The following TMEM240 variants were observed in gnomAD, a reference collection of about 807,000 sequenced individuals.
TMEM240 encodes the protein transmembrane protein C1orf70.
In TMEM240, 3 loss-of-function variants were observed where a neutral mutation model predicts 19.5. The observed-to-expected ratio is 0.15, with a 90% CI of 0.07 to 0.40. The LOEUF (loss-of-function observed/expected upper bound fraction) is 0.40. Ranked by LOEUF, TMEM240 falls within the 10% of genes least tolerant of loss-of-function variation. TMEM240 has a pLI of 1.00. For synonymous variants in TMEM240, 123 were observed against 109.3 expected (o/e 1.13, Z -0.78); for missense variants, 210 against 253.5 (o/e 0.83, Z 1.17).
rs775856256 is a variant in TMEM240 at position 1,535,456 on chromosome 1, C to T, written c.425G>A (p.Arg142Gln). 3.3e-5 allele frequency: 51 copies of T among 1,549,188 alleles called. No homozygotes were observed. Among genetic ancestry groups the T allele is most frequent in the South Asian group, 2.0e-4 (17 of 83,974 alleles). Residue 142 changes from arginine (R) to glutamine (Q), a missense_variant, in exon 4 of 4, where the codon CGG (arginine) becomes CAG (glutamine). Arg to Gln is a conservative substitution (Grantham distance 43). Transcript: ENST00000378733. The surrounding 1 kb of genome is among the most constrained non-coding windows in gnomAD (Gnocchi z 8.2). ...CTCCTCGAAGGGCCTGTGCGGCCGC[C>T]GGCCCAGCTCCCGCAGGCTGCACAG... ...PKLCSLRELGRRPHRPFEEAA... is the reference protein window; with the variant it reads ...PKLCSLRELGQRPHRPFEEAA...
At position 1,540,326 on chromosome 1, in the gene TMEM240, G is replaced by A. The variant is rs923985935; in HGVS notation, c.21C>T (p.Thr7=). The A allele has an allele frequency of 1.5e-5, 20 of 1,314,214 alleles. No homozygotes were observed. The highest frequency in any genetic ancestry group is 1.7e-5 in the Non-Finnish European group (17 of 1,022,220). The allele number at this position is 1,314,214 out of a possible 1,614,324, so 81.4% of individuals were successfully genotyped here. A position where few individuals can be genotyped will look rare whatever the true frequency, so the allele number is the denominator to read the frequency against. Reference sequence around the variant, plus strand: ...ACGCCCCCAGAATCATGAAGATCATGGTGTTCGCGCTCATGGACATCGGGC... The same window carrying A: ...ACGCCCCCAGAATCATGAAGATCATAGTGTTCGCGCTCATGGACATCGGGC... MSMSAN[T]MIFMILGASV... The change falls in exon 1 of 4, where the codon ACC becomes ACT. Residue 7 remains threonine, a synonymous_variant. Coordinates refer to ENST00000378733, the MANE Select transcript of TMEM240 (RefSeq NM_001114748.2).
rs1434766456 is a variant in TMEM240 at position 1,536,076 on chromosome 1, C to T, written c.165-279G>A. ...AGCTGCCGGCGAGGGTGTCGGCCCTCACTCAGCACCTCCTCCCTGAGGCCT... is the reference window on the plus strand; with the variant it reads ...AGCTGCCGGCGAGGGTGTCGGCCCTTACTCAGCACCTCCTCCCTGAGGCCT... On this transcript the variant is annotated intron_variant, in intron 2 of 3. Coordinates refer to ENST00000378733, the MANE Select transcript of TMEM240 (RefSeq NM_001114748.2). The surrounding 1 kb of genome is among the most constrained non-coding windows in gnomAD (Gnocchi z 5.4). Among the ~76,000 whole-genome samples, 2 of 152,084 alleles carry T rather than the reference C, an allele frequency of 1.3e-5. No homozygotes were observed. Among genetic ancestry groups the T allele is most frequent in the Non-Finnish European group, 2.9e-5 (2 of 67,964 alleles).
Position 1,536,225 on chromosome 1 carries a change from C to G in TMEM240, c.165-428G>C, listed in dbSNP as rs1180653484. Among the ~76,000 whole-genome samples the G allele has an allele frequency of 6.6e-6, 1 of 152,146 alleles. No homozygotes were observed. The highest frequency in any genetic ancestry group is 1.5e-5 in the Non-Finnish European group (1 of 67,994). On this transcript the variant is annotated intron_variant, in intron 2 of 3. Transcript: ENST00000378733. This position sits in a 1 kb window ranked among gnomAD's most constrained non-coding sequence, Gnocchi z 5.4. The stretch of plus-strand genomic sequence containing the variant: ...CCGGGGCCGCGGAGGCCACTTGGAG[C>G]AGAGCTGGACACAGGGAGCCCTGCT...
Position 1,540,365 on chromosome 1 carries a change from G to T in TMEM240, c.-19C>A. On this transcript the variant is annotated 5_prime_UTR_variant, in exon 1 of 4. Transcript: ENST00000378733. Reference sequence around the variant, plus strand: ...TGGACATCGGGCGGGGCCGGGCCGGGCCGGAGCGCCGCCCCCCGGCCCCGG... The same window carrying T: ...TGGACATCGGGCGGGGCCGGGCCGGTCCGGAGCGCCGCCCCCCGGCCCCGG... 1 of 1,167,446 alleles carries T rather than the reference G, an allele frequency of 8.6e-7. No homozygotes were observed. Among genetic ancestry groups the T allele is most frequent in the Non-Finnish European group, 1.1e-6 (1 of 939,590 alleles). The allele number at this position is 1,167,446 out of a possible 1,614,324, so 72.3% of individuals were successfully genotyped here. A position where few individuals can be genotyped will look rare whatever the true frequency, so the allele number is the denominator to read the frequency against.
rs1642204584 is a variant in TMEM240 at position 1,535,600 on chromosome 1, C to G, written c.362G>C (p.Gly121Ala). 3 of 1,549,266 alleles carry G rather than the reference C, an allele frequency of 1.9e-6. No individual in the cohort carries two copies. The stretch of plus-strand genomic sequence containing the variant: ...CACGAGGCACTCACCGTAGCGCCGT[C>G]CGGCTCTCCAGGCGCGCACGGCGCA... ...LHCAVRAWRA[G>A]RRYDGSWTWL... Residue 121 changes from glycine (G) to alanine (A), a missense_variant, in exon 3 of 4, where the codon GGA (glycine) becomes GCA (alanine). Around this residue, in one of 3 missense-constraint regions of TMEM240, gnomAD observed 157 missense variants for 168.2 expected, o/e 0.93. Transcript: ENST00000378733. This position sits in a 1 kb window ranked among gnomAD's most constrained non-coding sequence, Gnocchi z 8.2.
At position 1,535,017 on chromosome 1, in the gene TMEM240, G is replaced by A. The variant is rs375304946; in HGVS notation, c.*342C>T. 0.027 allele frequency among the ~76,000 whole-genome samples: 3,911 copies of A among 146,946 alleles called. 83 individuals carry two copies. The highest frequency in any genetic ancestry group is 0.069 in the Middle Eastern group (19 of 274). On this transcript the variant is annotated 3_prime_UTR_variant, in exon 4 of 4. Coordinates refer to ENST00000378733, the MANE Select transcript of TMEM240 (RefSeq NM_001114748.2). The surrounding 1 kb of genome is among the most constrained non-coding windows in gnomAD (Gnocchi z 8.2). ...CTTCAAACAGATGCTGGCCCGGGCC[G>A]CGCGCCTCGCCGCCCCTGCCCCCAC... is the stretch of plus-strand genomic sequence containing the variant.
In TMEM240 at chr1:1,535,938, C is replaced by A; in HGVS notation, c.165-141G>T. The A allele has an allele frequency of 2.9e-6, 1 of 345,866 alleles. No individual in the cohort carries two copies. Among genetic ancestry groups the A allele is most frequent in the Non-Finnish European group, 5.8e-6 (1 of 172,602 alleles). The allele number at this position is 345,866 out of a possible 1,614,324, so 21.4% of individuals were successfully genotyped here. On this transcript the variant is annotated intron_variant, in intron 2 of 3. Coordinates refer to ENST00000378733, the MANE Select transcript of TMEM240 (RefSeq NM_001114748.2). The surrounding 1 kb of genome is among the most constrained non-coding windows in gnomAD (Gnocchi z 8.2). ...GAAGCAGCCTCTTGGGCGGGCGGGT[C>A]GGGAAGGGGGCACCAGACTCAACGA...
Position 1,535,608 on chromosome 1 carries a change from C to A in TMEM240, c.354G>T (p.Trp118Cys). The part of the protein sequence containing the change: ...DGVLHCAVRA[W>C]RAGRRYDGSW... ...ACTCACCGTAGCGCCGTCCGGCTCT[C>A]CAGGCGCGCACGGCGCAGTGCAGGA... The change falls in exon 3 of 4, where the codon TGG becomes TGT. Residue 118 changes from tryptophan (W) to cysteine (C), a missense_variant. Around this residue, in one of 3 missense-constraint regions of TMEM240, gnomAD observed 157 missense variants for 168.2 expected, o/e 0.93. Transcript: ENST00000378733. This position sits in a 1 kb window ranked among gnomAD's most constrained non-coding sequence, Gnocchi z 8.2. 1 of 1,549,596 alleles carries A rather than the reference C, an allele frequency of 6.5e-7. No homozygotes were observed. The highest frequency in any genetic ancestry group is 8.7e-7 in the Non-Finnish European group (1 of 1,146,450).
At position 1,535,452 on chromosome 1, in the gene TMEM240, C is replaced by T. The variant is rs1442872142; in HGVS notation, c.429G>A (p.Arg143=). 1.3e-6 allele frequency: 2 copies of T among 1,549,176 alleles called. No homozygotes were observed. Among genetic ancestry groups the T allele is most frequent in the African/African-American group, 2.7e-5 (2 of 72,986 alleles). ...KLCSLRELGR[R]PHRPFEEAAG... The stretch of plus-strand genomic sequence containing the variant: ...CGGCCTCCTCGAAGGGCCTGTGCGG[C>T]CGCCGGCCCAGCTCCCGCAGGCTGC... Residue 143 remains arginine (R), a synonymous_variant, in exon 4 of 4, where the codon CGG becomes CGA. Coordinates refer to ENST00000378733, the MANE Select transcript of TMEM240 (RefSeq NM_001114748.2). This position sits in a 1 kb window ranked among gnomAD's most constrained non-coding sequence, Gnocchi z 8.2.
intron 1 of TMEM240, among the ~76,000 whole-genome samples, 161 bp from the exon 2 acceptor site, chr1:1,539,951 TG>T (rs1216392386): frequency 3.4e-5 from 1 of 29,840 alleles, no homozygotes; most frequent in Non-Finnish European, 6.0e-5. Context: ...GCAGCGGGTA[TG>T]GGGATCGCAG....
intron 2 of TMEM240, 52 bp downstream of exon 2, chr1:1,539,632 C>A: frequency 6.7e-7 from 1 of 1,495,214 alleles, no homozygotes; most frequent in South Asian, 1.2e-5. Flanking sequence ...GAGTGGGCCC[C>A]GCCACACATG....
In TMEM240 at chr1:1,534,892, T is replaced by G. The variant is rs1642176828; in HGVS notation, c.*467A>C. ...GGGCCCAGCCACCTGCACCCCACCC[T>G]GTGGCTGTGCACACGCGGGTGCTCC... On this transcript the variant is annotated 3_prime_UTR_variant, in exon 4 of 4. Coordinates refer to ENST00000378733, the MANE Select transcript of TMEM240 (RefSeq NM_001114748.2). 6.6e-6 allele frequency among the ~76,000 whole-genome samples: 1 copy of G among 151,918 alleles called. No individual in the cohort carries two copies. Among genetic ancestry groups the G allele is most frequent in the Admixed American group, 6.5e-5 (1 of 15,284 alleles).
At chr1:1,538,066 A>G (rs937364025) in intron 2 of TMEM240, among the ~76,000 whole-genome samples, 4 of 152,240 alleles carry the variant, frequency 2.6e-5, no homozygotes, top group African/African-American at 9.6e-5. Flanking sequence ...CAGATACCGC[A>G]TGTGCAAGAC....
At position 1,536,033 on chromosome 1, in the gene TMEM240, C is replaced by T. The variant is rs1051509449; in HGVS notation, c.165-236G>A. 4.6e-5 allele frequency among the ~76,000 whole-genome samples: 7 copies of T among 152,070 alleles called. No homozygotes were observed. The highest frequency in any genetic ancestry group is 2.1e-4 in the South Asian group (1 of 4,830). ...GGCTGTGGAGGCCGAGCGTGAAGTC[C>T]GGGCAGACAGCGGGACCAGCTGCCG... On this transcript the variant is annotated intron_variant, in intron 2 of 3. Coordinates refer to ENST00000378733, the MANE Select transcript of TMEM240 (RefSeq NM_001114748.2). This position sits in a 1 kb window ranked among gnomAD's most constrained non-coding sequence, Gnocchi z 5.4.
At position 1,535,856 on chromosome 1, in the gene TMEM240, G is replaced by A. The variant is rs1224345147; in HGVS notation, c.165-59C>T. ...GCCACCCCCGGCCTGGCCTTCCCCC[G>A]GGGCGCCTACCCCGTGGTGGGGGTG... On this transcript the variant is annotated intron_variant, in intron 2 of 3. Transcript: ENST00000378733. This position sits in a 1 kb window ranked among gnomAD's most constrained non-coding sequence, Gnocchi z 8.2. The A allele has an allele frequency of 3.6e-5, 53 of 1,483,614 alleles. No individual in the cohort carries two copies. In the Middle Eastern group the frequency reaches 6.2e-4, roughly 17 times the overall value. The allele number at this position is 1,483,614 out of a possible 1,614,324, so 91.9% of individuals were successfully genotyped here.
chr1:1,535,028 C>A lies in TMEM240; in HGVS notation c.*331G>T, dbSNP rs1006743140. 7 of 212,610 alleles carry A rather than the reference C, an allele frequency of 3.3e-5. No homozygotes were observed. The highest frequency in any genetic ancestry group is 1.7e-4 in the African/African-American group (7 of 42,280). The allele number at this position is 212,610 out of a possible 1,614,324, so 13.2% of individuals were successfully genotyped here. On this transcript the variant is annotated 3_prime_UTR_variant, in exon 4 of 4. Transcript: ENST00000378733. This position sits in a 1 kb window ranked among gnomAD's most constrained non-coding sequence, Gnocchi z 8.2. ...TGCTGGCCCGGGCCGCGCGCCTCGC[C>A]GCCCCTGCCCCCACCTGCCCCCCAG...
chr1:1,536,303 C>T lies in TMEM240; in HGVS notation c.165-506G>A, dbSNP rs934247032. Among the ~76,000 whole-genome samples the T allele has an allele frequency of 5.3e-5, 8 of 152,156 alleles. No homozygotes were observed. Among genetic ancestry groups the T allele is most frequent in the Non-Finnish European group, 1.2e-4 (8 of 68,014 alleles). On this transcript the variant is annotated intron_variant, in intron 2 of 3. Transcript: ENST00000378733. This position sits in a 1 kb window ranked among gnomAD's most constrained non-coding sequence, Gnocchi z 5.4. ...CCTTCCCCCCGCTGCTGTGCCCTTTCCTCCACGGCTGCCACCGCGCCTGCC... is the reference window on the plus strand; with the variant it reads ...CCTTCCCCCCGCTGCTGTGCCCTTTTCTCCACGGCTGCCACCGCGCCTGCC...
chr1:1,539,980 A>G (rs1407116807), intron 1 of TMEM240, among the ~76,000 whole-genome samples, 190 bp from the exon 2 acceptor site: 1 of 43,040 alleles, frequency 2.3e-5, no homozygotes, highest in East Asian at 8.2e-4. Context: ...AGGGGAGCGC[A>G]GGCCGGGGTG....
At position 1,535,492 on chromosome 1, in the gene TMEM240, C is replaced by G; in HGVS notation, c.389G>C (p.Trp130Ser). 6.5e-7 allele frequency: 1 copy of G among 1,547,626 alleles called. No individual in the cohort carries two copies. The highest frequency in any genetic ancestry group is 8.7e-7 in the Non-Finnish European group (1 of 1,145,558). Residue 130 changes from tryptophan (W) to serine (S), a missense_variant, in exon 4 of 4, where the codon TGG becomes TCG. By Grantham distance (177) the Trp-to-Ser change is radical (BLOSUM62 -3). Transcript: ENST00000378733. The surrounding 1 kb of genome is among the most constrained non-coding windows in gnomAD (Gnocchi z 8.2). ...AGRRYDGSWT[W>S]LPKLCSLREL... ...CCGCAGGCTGCACAGCTTGGGCAGC[C>G]AGGTCCACGAGCCATCTGCGGGGGG...
Sources: gnomAD v4.1 joint callset for allele counts (sites outside exome capture counted in the v4.1 genomes callset) on GRCh38, gnomAD v4.1.1 for gene constraint, gnomAD v4.1.1 regional missense constraint, Gnocchi (gnomAD v3.1) non-coding constraint, MANE v1.5 for transcripts, NCBI Gene and HGNC (gene_info 2026-07-23, HGNC 2026-07-21) for gene names.